The following TOLLIP variants were observed in gnomAD, a reference collection of about 807,000 sequenced individuals.
The protein encoded by TOLLIP is toll-interacting protein.
A neutral mutation model predicts 33.5 loss-of-function variants in TOLLIP; 16 were observed. The observed-to-expected ratio is 0.48, with a 90% CI of 0.32 to 0.72. The LOEUF (loss-of-function observed/expected upper bound fraction) is 0.72. Among genes scored for constraint, TOLLIP ranks in the 30% least tolerant of loss-of-function variants. The pLI is 0.03. For synonymous variants in TOLLIP, 176 were observed against 163.7 expected (o/e 1.07, Z -0.57); for missense variants, 325 against 396.6 (o/e 0.82, Z 1.53).
intron 1 of TOLLIP, chr11:1,302,635 C>T: frequency 1.0e-6 from 1 of 988,200 alleles, no homozygotes. Context: ...ACGCTCCACA[C>T]CAGCCTCCTG....
chr11:1,306,127 A>G (rs1469384500), intron 1 of TOLLIP: 1 of 152,206 alleles, frequency 6.6e-6, no homozygotes, highest in Non-Finnish European at 1.5e-5. Context: ...TTTCCAAAAT[A>G]CTGGCCTTTT....
Position 1,309,472 on chromosome 11 carries a change from G to C in TOLLIP, c.27C>G (p.Arg9=). Residue 9 remains arginine (R), a synonymous_variant, in exon 1 of 6, where the codon CGC becomes CGG. Transcript: ENST00000317204. ...CCTCGCCCGGCTGCCTCACCGGCCC[G>C]CGCTGAGTGCTGACGGTGGTCGCCA... The part of the protein sequence containing the change: MATTVSTQ[R]GPVYIGELPQ... The C allele has an allele frequency of 7.5e-7, 1 of 1,332,324 alleles. No homozygotes were observed. Among genetic ancestry groups the C allele is most frequent in the Non-Finnish European group, 9.7e-7 (1 of 1,035,724 alleles). The allele number at this position is 1,332,324 out of a possible 1,614,324, so 82.5% of individuals were successfully genotyped here.
At chr11:1,295,902 T>C in intron 1 of TOLLIP, 108 bp from the exon 2 acceptor site, 1 of 1,371,100 alleles carries the variant, frequency 7.3e-7, no homozygotes, top group African/African-American at 1.5e-5. Flanking sequence ...CCCATGTCCT[T>C]ATCAAGTCCT....
At position 1,276,878 on chromosome 11, in the gene TOLLIP, C is replaced by A; in HGVS notation, c.*161G>T. The A allele has an allele frequency of 6.5e-7, 1 of 1,546,096 alleles. No homozygotes were observed. The highest frequency in any genetic ancestry group is 8.7e-7 in the Non-Finnish European group (1 of 1,151,568). Reference sequence around the variant, plus strand: ...TGGACCGCCAGGAACCGAAAACCCACATGCACCCAAGAACAGGTGTGGACG... The same window carrying A: ...TGGACCGCCAGGAACCGAAAACCCAAATGCACCCAAGAACAGGTGTGGACG... On this transcript the variant is annotated 3_prime_UTR_variant, in exon 6 of 6. Transcript: ENST00000317204.
Position 1,278,188 on chromosome 11 carries a change from G to A in TOLLIP, c.611-935C>T, listed in dbSNP as rs1440775873. Among the ~76,000 whole-genome samples the A allele has an allele frequency of 6.6e-6, 1 of 151,302 alleles. No homozygotes were observed. On this transcript the variant is annotated intron_variant, in intron 5 of 5. Transcript: ENST00000317204. This position sits in a 1 kb window ranked among gnomAD's most constrained non-coding sequence, Gnocchi z 4.7. ...GCCCTGAGCACAGGCAGCGTGCGCG[G>A]GGCTCAGCGACCAGTGAGGCACAGA...
intron 1 of TOLLIP, among the ~76,000 whole-genome samples, chr11:1,304,622 C>T (rs796201078): frequency 3.2e-4 from 48 of 152,270 alleles, no homozygotes; most frequent in African/African-American, 1.1e-3. Context: ...ATTCTTTAGC[C>T]GGGCAGCCTC....
At chr11:1,286,878 C>T (rs552894464) in intron 4 of TOLLIP, among the ~76,000 whole-genome samples, 32 of 152,082 alleles carry the variant, frequency 2.1e-4, no homozygotes, top group African/African-American at 6.3e-4. Flanking sequence ...AGATAAGTCA[C>T]TGCACTGCTG....
intron 1 of TOLLIP, among the ~76,000 whole-genome samples, chr11:1,308,139 C>T (rs550361423): frequency 1.3e-5 from 2 of 152,352 alleles, no homozygotes; most frequent in African/African-American, 2.4e-5. Flanking sequence ...GTGAGTGACA[C>T]GGTTTGAATC....
intron 1 of TOLLIP, chr11:1,302,917 C>G (rs148070720): frequency 2.8e-6 from 1 of 359,426 alleles, no homozygotes; most frequent in Non-Finnish European, 3.9e-6. Context: ...CGGGGCCTTC[C>G]TCAGACAGGG....
intron 2 of TOLLIP, among the ~76,000 whole-genome samples, chr11:1,292,627 C>G (rs1863985234): frequency 6.6e-6 from 1 of 152,272 alleles, no homozygotes; most frequent in Admixed American, 6.5e-5. Context: ...TGACTGCACA[C>G]AACCACATGC....
intron 4 of TOLLIP, 123 bp downstream of exon 4, chr11:1,288,501 G>C: frequency 8.1e-7 from 1 of 1,237,714 alleles, no homozygotes; most frequent in African/African-American, 1.5e-5. Context: ...CAGAACGTGA[G>C]CCCTGCTGTT....
At chr11:1,281,733 G>A (rs570276364) in intron 5 of TOLLIP, among the ~76,000 whole-genome samples, 1 of 152,266 alleles carries the variant, frequency 6.6e-6, no homozygotes, top group Non-Finnish European at 1.5e-5. Flanking sequence ...CCAGCACCGC[G>A]TAGCCAGGCA....
intron 4 of TOLLIP, among the ~76,000 whole-genome samples, chr11:1,288,216 T>C (rs1590214975): frequency 6.6e-6 from 1 of 152,164 alleles, no homozygotes; most frequent in East Asian, 1.9e-4. Context: ...ATGCCTGCCC[T>C]GTGGGGAGGA....
In TOLLIP at chr11:1,303,040, A is replaced by G. The variant is rs1864327583; in HGVS notation, c.33+6426T>C. Among the ~76,000 whole-genome samples, 1 of 152,180 alleles carries G rather than the reference A, an allele frequency of 6.6e-6. No homozygotes were observed. The highest frequency in any genetic ancestry group is 6.5e-5 in the Admixed American group (1 of 15,284). On this transcript the variant is annotated intron_variant, in intron 1 of 5. Coordinates refer to ENST00000317204, the MANE Select transcript of TOLLIP (RefSeq NM_019009.4). This position sits in a 1 kb window ranked among gnomAD's most constrained non-coding sequence, Gnocchi z 4.2. ...GTTCCCTGGCTCTGCTAAAGTCTCA[A>G]AGCAAACACTAGAATTTGTGTAAGG...
chr11:1,290,668 A>T lies in TOLLIP; in HGVS notation c.184-259T>A, dbSNP rs1177668981. Among the ~76,000 whole-genome samples the T allele has an allele frequency of 6.6e-6, 1 of 152,160 alleles. No individual in the cohort carries two copies. The highest frequency in any genetic ancestry group is 1.5e-5 in the Non-Finnish European group (1 of 68,016). ...GACAGCAGAAACCTACGACGCTCAC[A>T]GACACAGCTGAGGCCGCCACTCACC... On this transcript the variant is annotated intron_variant, in intron 2 of 5. Transcript: ENST00000317204. The surrounding 1 kb of genome is among the most constrained non-coding windows in gnomAD (Gnocchi z 4.9).
intron 5 of TOLLIP, among the ~76,000 whole-genome samples, chr11:1,283,973 A>G (rs566855780): frequency 6.6e-6 from 1 of 152,352 alleles, no homozygotes; most frequent in Non-Finnish European, 1.5e-5. Flanking sequence ...CAGGACAACC[A>G]GACAGAACTT....
intron 1 of TOLLIP, among the ~76,000 whole-genome samples, chr11:1,299,116 G>A (rs1305431800): frequency 6.6e-6 from 1 of 152,222 alleles, no homozygotes; most frequent in Non-Finnish European, 1.5e-5. Context: ...CAGGGGACAT[G>A]GGTGAGACAC....
intron 1 of TOLLIP, among the ~76,000 whole-genome samples, chr11:1,299,900 C>T (rs5743919): frequency 0.051 from 7,813 of 152,260 alleles, 679 homozygotes; most frequent in African/African-American, 0.17. Context: ...GTCCCTGCCG[C>T]GAACACATGG....
intron 1 of TOLLIP, among the ~76,000 whole-genome samples, chr11:1,304,551 G>A (rs1290689323): frequency 3.3e-5 from 5 of 152,248 alleles, no homozygotes; most frequent in East Asian, 1.9e-4. Context: ...AGGACGGGGC[G>A]GCCGAGGTCT....
Sources: allele counts gnomAD v4.1 joint callset (sites outside exome capture counted in the v4.1 genomes callset), GRCh38; gene constraint gnomAD v4.1.1; non-coding constraint Gnocchi (gnomAD v3.1); transcripts MANE v1.5; gene names NCBI Gene and HGNC (gene_info 2026-07-23, HGNC 2026-07-21).